The following PABPC4L variants were observed in gnomAD, a reference collection of about 807,000 sequenced individuals.
PABPC4L encodes the protein polyadenylate-binding protein 4-like.
For missense variants in PABPC4L, 452 were observed against 451.4 expected (o/e 1.00, Z -0.01); for synonymous variants, 169 against 164.1 (o/e 1.03, Z -0.23).
chr4:134,122,345 T>G, the PABPC4L span, among the ~76,000 whole-genome samples: 1 of 151,872 alleles, frequency 6.6e-6, no homozygotes, highest in African/African-American at 2.4e-5. Flanking sequence ...CTCATAAGCA[T>G]TTTTTTAAGT....
chr4:134,051,399 G>A, the PABPC4L span, among the ~76,000 whole-genome samples: 54,201 of 151,930 alleles, frequency 0.36, 11,871 homozygotes, highest in East Asian at 0.92. Context: ...CAGTTTAACT[G>A]AAATGGTAGT....
chr4:134,005,160 T>A, the PABPC4L span, among the ~76,000 whole-genome samples: 1 of 151,892 alleles, frequency 6.6e-6, no homozygotes, highest in South Asian at 2.1e-4. Context: ...ATTAGCTGGA[T>A]TTGACCATTT....
chr4:134,084,720 A>T, the PABPC4L span, among the ~76,000 whole-genome samples: 1 of 152,124 alleles, frequency 6.6e-6, no homozygotes, highest in Admixed American at 6.6e-5. Context: ...AAGAAGACTG[A>T]AGTAATACAC....
At chr4:134,176,080 CA>C in the PABPC4L span, among the ~76,000 whole-genome samples, 1 of 152,036 alleles carries the variant, frequency 6.6e-6, no homozygotes, top group African/African-American at 2.4e-5. Flanking sequence ...ATCTCATGGT[CA>C]CAGTTTGAAG....
the PABPC4L span, among the ~76,000 whole-genome samples, chr4:133,973,803 AG>A: frequency 1.3e-5 from 2 of 152,194 alleles, no homozygotes; most frequent in Non-Finnish European, 2.9e-5. Flanking sequence ...TTAATATTAA[AG>A]GTTCTTCAGT....
the PABPC4L span, among the ~76,000 whole-genome samples, chr4:134,183,905 A>C: frequency 0.022 from 3,409 of 151,552 alleles, 127 homozygotes; most frequent in African/African-American, 0.078. Context: ...AAAATCCCTA[A>C]AAGATTGTGT....
At chr4:133,979,717 A>C in the PABPC4L span, among the ~76,000 whole-genome samples, 965 of 152,318 alleles carry the variant, frequency 6.3e-3, 11 homozygotes, top group African/African-American at 0.022. Context: ...TTTTTAGAGA[A>C]TATCAGGCCT....
chr4:134,160,748 C>T, the PABPC4L span, among the ~76,000 whole-genome samples: 2 of 152,118 alleles, frequency 1.3e-5, no homozygotes, highest in East Asian at 3.9e-4. Context: ...CCTGTATTCC[C>T]AGCTACTCAG....
the PABPC4L span, among the ~76,000 whole-genome samples, chr4:134,121,693 C>CT: frequency 5.3e-4 from 81 of 151,576 alleles, no homozygotes; most frequent in African/African-American, 1.7e-3. Context: ...CTTTAAACTG[C>CT]TTTTTTTCAA....
At chr4:134,045,975 C>T in the PABPC4L span, among the ~76,000 whole-genome samples, 14 of 152,122 alleles carry the variant, frequency 9.2e-5, no homozygotes, top group East Asian at 2.7e-3. Flanking sequence ...TCAGCTCTTA[C>T]AAACAAAAAA....
At chr4:134,070,455 A>T in the PABPC4L span, among the ~76,000 whole-genome samples, 2 of 152,016 alleles carry the variant, frequency 1.3e-5, no homozygotes, top group Admixed American at 1.3e-4. Context: ...GTGTCAGATT[A>T]AGGCAGTTGT....
the PABPC4L span, among the ~76,000 whole-genome samples, chr4:134,054,283 T>G: frequency 3.7e-5 from 5 of 136,638 alleles, no homozygotes; most frequent in Admixed American, 1.5e-4. Flanking sequence ...TATATATATA[T>G]ATATATAGTT....
chr4:134,021,910 G>A, the PABPC4L span, among the ~76,000 whole-genome samples: 2 of 152,086 alleles, frequency 1.3e-5, no homozygotes, highest in South Asian at 4.1e-4. Context: ...AAGTTAATGA[G>A]CTTCATGTAA....
At chr4:134,043,164 C>T in the PABPC4L span, among the ~76,000 whole-genome samples, 31 of 135,038 alleles carry the variant, frequency 2.3e-4, no homozygotes, top group African/African-American at 8.9e-4. Flanking sequence ...TTCCTACACC[C>T]ACACACCATA....
At chr4:134,165,777 T>G in the PABPC4L span, among the ~76,000 whole-genome samples, 1 of 151,906 alleles carries the variant, frequency 6.6e-6, no homozygotes, top group Non-Finnish European at 1.5e-5. Flanking sequence ...CAGCAATCCC[T>G]CTACTGGGTA....
At chr4:134,174,582 T>G in the PABPC4L span, among the ~76,000 whole-genome samples, 1 of 152,152 alleles carries the variant, frequency 6.6e-6, no homozygotes, top group Non-Finnish European at 1.5e-5. Context: ...ATTGTACATG[T>G]GATATAACAC....
Position 134,199,688 on chromosome 4 carries a change from A to T in PABPC4L, c.*219T>A. The T allele has an allele frequency of 1.9e-6, 1 of 534,602 alleles. No individual in the cohort carries two copies. Among genetic ancestry groups the T allele is most frequent in the Non-Finnish European group, 3.2e-6 (1 of 311,030 alleles). 33.1% of individuals were successfully genotyped at this position (534,602 alleles called of 1,614,324 possible). On this transcript the variant is annotated 3_prime_UTR_variant, in exon 2 of 2. Coordinates refer to ENST00000421491, the MANE Select transcript of PABPC4L (RefSeq NM_001114734.2). ...CAAAATAAGAAAAATGTGCAATATT[A>T]AAATTAGAAAATGTGCCTCTGTAAA...
At chr4:134,163,867 C>T in the PABPC4L span, among the ~76,000 whole-genome samples, 1 of 152,138 alleles carries the variant, frequency 6.6e-6, no homozygotes, top group Non-Finnish European at 1.5e-5. Flanking sequence ...TCATGTAGTA[C>T]ACACCCACAG....
the PABPC4L span, among the ~76,000 whole-genome samples, chr4:133,976,862 A>G: frequency 1.2e-4 from 18 of 151,830 alleles, no homozygotes; most frequent in East Asian, 3.3e-3. Flanking sequence ...TGGATATTAG[A>G]CCTTTGTCAG....
Sources: allele counts gnomAD v4.1 joint callset (sites outside exome capture counted in the v4.1 genomes callset), GRCh38; gene constraint gnomAD v4.1.1; transcripts MANE v1.5; gene names NCBI Gene and HGNC (gene_info 2026-07-23, HGNC 2026-07-21).